NKAIN4: variants seen among roughly 807,000 people sequenced by gnomAD.
NKAIN4 encodes sodium/potassium transporting ATPase interacting 4, also known as sodium/potassium-transporting ATPase subunit beta-1-interacting protein 4.
A neutral mutation model predicts 28.8 loss-of-function variants in NKAIN4; 28 were observed. The ratio of observed to expected loss-of-function variants is 0.97; its 90% CI spans 0.72 to 1.33. The LOEUF (loss-of-function observed/expected upper bound fraction) is 1.33. Ranked by LOEUF, NKAIN4 falls within the 40% of genes most tolerant of loss-of-function variation. The pLI is 0.00. For missense variants in NKAIN4, 289 were observed against 277.2 expected (o/e 1.04, Z -0.30); for synonymous variants, 122 against 115.6 (o/e 1.06, Z -0.36).
intron 5 of NKAIN4, 64 bp downstream of exon 5, chr20:63,243,960 G>C: frequency 7.1e-7 from 1 of 1,403,568 alleles, no homozygotes; most frequent in East Asian, 2.4e-5. Flanking sequence ...AGACGGGACA[G>C]ACTCAGAGCT....
chr20:63,246,213 C>A (rs1405842304), intron 4 of NKAIN4, among the ~76,000 whole-genome samples: 5 of 152,228 alleles, frequency 3.3e-5, no homozygotes, highest in East Asian at 1.9e-4. Context: ...CAGGTGTGAG[C>A]CACCGCACCC....
rs1255315257 is a variant in NKAIN4, at chr20:63,241,796, C to G, written c.618-290G>C. 27 of 616,952 alleles carry G rather than the reference C, an allele frequency of 4.4e-5. No homozygotes were observed. The East Asian group carries it at 8.8e-4, about 20-fold the overall frequency. The allele number at this position is 616,952 out of a possible 1,614,324, so 38.2% of individuals were successfully genotyped here. A position where few individuals can be genotyped will look rare whatever the true frequency, so the allele number is the denominator to read the frequency against. The stretch of plus-strand genomic sequence containing the variant: ...CTCACCCAGGGGTGTGCCTGGGTCC[C>G]TGGCTCAGGGTCTGCGTGTGACCCC... On this transcript the variant is annotated intron_variant, in intron 6 of 6. Coordinates refer to ENST00000370316, the MANE Select transcript of NKAIN4 (RefSeq NM_152864.4).
chr20:63,249,515 AT>A (rs2066919961), intron 2 of NKAIN4, among the ~76,000 whole-genome samples: 1 of 152,004 alleles, frequency 6.6e-6, no homozygotes, highest in South Asian at 2.1e-4. Context: ...TTTTCTGAAC[AT>A]TTTTTCAGCT....
intron 4 of NKAIN4, 194 bp downstream of exon 4, chr20:63,247,384 A>G: frequency 2.0e-6 from 3 of 1,527,802 alleles, no homozygotes; most frequent in Non-Finnish European, 2.6e-6. Flanking sequence ...TTTGCAGAGG[A>G]GGCACTGAGG....
At chr20:63,254,464 A>G (rs1421638241), upstream of NKAIN4, 5 of 1,332,976 alleles carry the variant, frequency 3.8e-6, no homozygotes, top group African/African-American at 1.5e-5. Flanking sequence ...GCCCGCCTAT[A>G]CAGGAGGCCC....
intron 1 of NKAIN4, among the ~76,000 whole-genome samples, chr20:63,250,662 GC>G (rs2066941211): frequency 1.3e-5 from 2 of 152,138 alleles, no homozygotes; most frequent in Admixed American, 6.5e-5. Context: ...CTGTTGAACT[GC>G]CCTCTACACA....
chr20:63,246,253 C>CA (rs1287587168), intron 4 of NKAIN4, among the ~76,000 whole-genome samples: 3 of 152,206 alleles, frequency 2.0e-5, no homozygotes, highest in Admixed American at 6.5e-5. Context: ...TGCCTCCTCA[C>CA]AAAGCCTAAT....
At chr20:63,250,871 T>A (rs2066945431) in intron 1 of NKAIN4, among the ~76,000 whole-genome samples, 1 of 151,602 alleles carries the variant, frequency 6.6e-6, no homozygotes, top group Admixed American at 6.6e-5. Context: ...GAAGAGAAGA[T>A]GCTGTGGAAC....
intron 4 of NKAIN4, among the ~76,000 whole-genome samples, chr20:63,244,771 G>T (rs1413370796): frequency 6.6e-6 from 1 of 152,228 alleles, no homozygotes; most frequent in South Asian, 2.1e-4. Flanking sequence ...CTGGCAAAGG[G>T]GGGGCAGTGC....
intron 5 of NKAIN4, chr20:63,243,801 G>A (rs375381717): frequency 4.7e-4 from 227 of 486,518 alleles, no homozygotes; most frequent in African/African-American, 4.2e-3. Context: ...TTGGACCGGG[G>A]GGCAGCTGAC....
intron 4 of NKAIN4, chr20:63,244,674 G>A: frequency 2.5e-6 from 1 of 393,384 alleles, no homozygotes; most frequent in South Asian, 1.8e-5. Flanking sequence ...GGGAGGGACT[G>A]GGAGTCCAGG....
intron 3 of NKAIN4, among the ~76,000 whole-genome samples, chr20:63,247,987 G>A (rs9753750): frequency 0.066 from 10,116 of 152,196 alleles, 800 homozygotes; most frequent in African/African-American, 0.2. Context: ...GCCTGCCCTC[G>A]ACCCACACAC....
chr20:63,254,329 G>A, intron 1 of NKAIN4, 68 bp downstream of exon 1: 1 of 1,277,518 alleles, frequency 7.8e-7, no homozygotes, highest in Non-Finnish European at 1.0e-6. Flanking sequence ...GGACGCTTCG[G>A]GACCCCACAG....
Position 63,252,693 on chromosome 20 carries a change from G to A in NKAIN4, c.54+1704C>T, listed in dbSNP as rs370515248. On this transcript the variant is annotated intron_variant, in intron 1 of 6. Transcript: ENST00000370316. This position sits in a 1 kb window ranked among gnomAD's most constrained non-coding sequence, Gnocchi z 4.6. ...AGGACACGGCTCTGCCCAGTCCCTG[G>A]AGAGTCCCCAGGTCTGCTAGTGAAG... Among the ~76,000 whole-genome samples the A allele has an allele frequency of 1.3e-5, 2 of 152,300 alleles. No homozygotes were observed. The highest frequency in any genetic ancestry group is 3.9e-4 in the East Asian group (2 of 5,186).
rs1313683289 is a variant in NKAIN4 at position 63,245,898 on chromosome 20, C to T, written c.471+1680G>A. Among the ~76,000 whole-genome samples, 1 of 151,966 alleles carries T rather than the reference C, an allele frequency of 6.6e-6. No homozygotes were observed. Among genetic ancestry groups the T allele is most frequent in the Non-Finnish European group, 1.5e-5 (1 of 67,974 alleles). ...GGCTCCCATAGCACGCCAGCCCCCT[C>T]CGAGAGACTCTTCATTCATTCCCCT... is the stretch of plus-strand genomic sequence containing the variant. On this transcript the variant is annotated intron_variant, in intron 4 of 6. Coordinates refer to ENST00000370316, the MANE Select transcript of NKAIN4 (RefSeq NM_152864.4). The surrounding 1 kb of genome is among the most constrained non-coding windows in gnomAD (Gnocchi z 4.7).
At chr20:63,251,810 G>C (rs1277741028) in intron 1 of NKAIN4, among the ~76,000 whole-genome samples, 1 of 152,014 alleles carries the variant, frequency 6.6e-6, no homozygotes, top group African/African-American at 2.4e-5. Context: ...TATTATACTG[G>C]AACATCTCGT....
At chr20:63,242,792 G>C (rs552542893) in intron 5 of NKAIN4, among the ~76,000 whole-genome samples, 169 bp from the exon 6 acceptor site, 1 of 151,586 alleles carries the variant, frequency 6.6e-6, no homozygotes, top group Admixed American at 6.6e-5. Flanking sequence ...GGGACGGGGG[G>C]GGTGGGACAC....
Position 63,247,716 on chromosome 20 carries a change from C to T in NKAIN4, c.333G>A (p.Trp111Ter), listed in dbSNP as rs770063674. 14 of 1,512,682 alleles carry T rather than the reference C, an allele frequency of 9.3e-6. No homozygotes were observed. In the South Asian group the frequency reaches 1.7e-4, roughly 18 times the overall value. The allele number at this position is 1,512,682 out of a possible 1,614,324, so 93.7% of individuals were successfully genotyped here. ...GCACCTCCTCATGCAGACAGCCTGG[C>T]CAGCGCTCACGCCACCAGGAGCGAT... is the stretch of plus-strand genomic sequence containing the variant. ...SRHRSWWRER[W>*]PGCLHEEVPA... The change falls in exon 4 of 7, where the codon TGG becomes TGA. Residue 111 changes from tryptophan to a stop codon, truncating the protein, a stop_gained. Transcript: ENST00000370316. LOFTEE classifies it high-confidence loss of function.
intron 4 of NKAIN4, chr20:63,244,362 C>G (rs2066818237): frequency 1.9e-6 from 1 of 534,098 alleles, no homozygotes; most frequent in Non-Finnish European, 3.6e-6. Flanking sequence ...GGAAGATGAG[C>G]AGGTCAGCCT....
Sources: gnomAD v4.1 joint callset for allele counts (sites outside exome capture counted in the v4.1 genomes callset) on GRCh38, gnomAD v4.1.1 for gene constraint, Gnocchi (gnomAD v3.1) non-coding constraint, MANE v1.5 for transcripts, NCBI Gene and HGNC (gene_info 2026-07-23, HGNC 2026-07-21) for gene names.